The following HIBADH variants were observed in gnomAD, a reference collection of about 807,000 sequenced individuals.
The protein encoded by HIBADH is 3-hydroxyisobutyrate dehydrogenase, mitochondrial.
In HIBADH, 25 loss-of-function variants were observed where a neutral mutation model predicts 36.1. The ratio of observed to expected loss-of-function variants is 0.69; its 90% confidence interval spans 0.50 to 0.97. The LOEUF (loss-of-function observed/expected upper bound fraction) is 0.97, where lower values mean the gene tolerates loss of function less well. Among genes scored for constraint, HIBADH ranks in the 50% least tolerant of loss-of-function variants. The pLI, the probability that HIBADH is intolerant of heterozygous loss-of-function variation, is 0.00. For missense variants in HIBADH, 421 were observed against 418.0 expected (o/e 1.01, Z -0.06); for synonymous variants, 160 against 149.5 (o/e 1.07, Z -0.51).
intron 4 of HIBADH, among the ~76,000 whole-genome samples, chr7:27,597,754 A>C (rs1785055516): frequency 6.6e-6 from 1 of 152,236 alleles, no homozygotes; most frequent in Non-Finnish European, 1.5e-5. Context: ...TACTGAAGGA[A>C]AGAATACCTA....
chr7:27,579,037 G>C (rs995574877), intron 4 of HIBADH, among the ~76,000 whole-genome samples: 15 of 152,178 alleles, frequency 9.9e-5, no homozygotes, highest in African/African-American at 3.6e-4. Context: ...CATGGGAACT[G>C]TTTTAGATTA....
intron 2 of HIBADH, among the ~76,000 whole-genome samples, chr7:27,646,059 T>C (rs948455803): frequency 5.9e-5 from 9 of 152,202 alleles, no homozygotes; most frequent in Non-Finnish European, 8.8e-5. Flanking sequence ...CCTCTGTGTT[T>C]TCTCCTAACA....
chr7:27,545,706 C>T (rs965091239), intron 4 of HIBADH, among the ~76,000 whole-genome samples: 4 of 152,138 alleles, frequency 2.6e-5, no homozygotes, highest in African/African-American at 9.7e-5. Flanking sequence ...ACTTATTTTA[C>T]ATATATTTTA....
chr7:27,633,439 C>T (rs1052527432), intron 2 of HIBADH, among the ~76,000 whole-genome samples: 19 of 152,240 alleles, frequency 1.2e-4, no homozygotes, highest in African/African-American at 4.3e-4. Context: ...AGAAGGATTG[C>T]CTGAACCCAG....
At chr7:27,558,694 CAAAAACA>C (rs892151907) in intron 4 of HIBADH, among the ~76,000 whole-genome samples, 43 of 151,998 alleles carry the variant, frequency 2.8e-4, no homozygotes, top group African/African-American at 1.0e-3. Context: ...GACCCAGTCT[CAAAAACA>C]AAAAACAAAA....
At chr7:27,662,031 G>A (rs574086243) in intron 1 of HIBADH, among the ~76,000 whole-genome samples, 40 of 152,298 alleles carry the variant, frequency 2.6e-4, no homozygotes, top group Admixed American at 2.5e-3. Context: ...TGGTATGAGA[G>A]GAGGGAGGCA....
chr7:27,628,373 A>G (rs1022030844), intron 4 of HIBADH, among the ~76,000 whole-genome samples: 2 of 152,110 alleles, frequency 1.3e-5, no homozygotes, highest in South Asian at 2.1e-4. Context: ...TAAAGCCCAC[A>G]ATCAAGTTTA....
At chr7:27,584,203 C>G (rs1289657088) in intron 4 of HIBADH, among the ~76,000 whole-genome samples, 1 of 152,014 alleles carries the variant, frequency 6.6e-6, no homozygotes, top group Non-Finnish European at 1.5e-5. Flanking sequence ...GTGGAAAGAA[C>G]TTTTTATACT....
At chr7:27,600,243 T>C (rs1449219791) in intron 4 of HIBADH, among the ~76,000 whole-genome samples, 1 of 151,542 alleles carries the variant, frequency 6.6e-6, no homozygotes, top group African/African-American at 2.4e-5. Flanking sequence ...AAAAAACACA[T>C]CACTCAAAAC....
intron 4 of HIBADH, among the ~76,000 whole-genome samples, chr7:27,564,901 G>C (rs913785532): frequency 2.0e-5 from 3 of 152,166 alleles, no homozygotes; most frequent in African/African-American, 7.2e-5. Flanking sequence ...TGTTTTAAAT[G>C]TCAGTTACCA....
intron 2 of HIBADH, among the ~76,000 whole-genome samples, chr7:27,648,908 A>T (rs10486553): frequency 0.044 from 6,633 of 152,250 alleles, 458 homozygotes; most frequent in African/African-American, 0.15. Context: ...AATTATTCAC[A>T]AAGTGCTGCC....
intron 1 of HIBADH, among the ~76,000 whole-genome samples, chr7:27,655,061 C>A (rs1786272567): frequency 2.0e-5 from 3 of 152,110 alleles, no homozygotes; most frequent in Admixed American, 2.0e-4. Context: ...ACTTTATGTA[C>A]AACTTATCAT....
intron 4 of HIBADH, among the ~76,000 whole-genome samples, chr7:27,560,315 C>T (rs1030359230): frequency 2.8e-4 from 42 of 152,284 alleles, no homozygotes; most frequent in East Asian, 1.9e-4. Flanking sequence ...GACGGGGTTT[C>T]GCCATGTTGG....
intron 5 of HIBADH, among the ~76,000 whole-genome samples, chr7:27,538,829 C>G (rs1784106127): frequency 6.6e-6 from 1 of 151,956 alleles, no homozygotes; most frequent in African/African-American, 2.4e-5. Context: ...AGCAACAAGA[C>G]CACTGAAGGC....
intron 2 of HIBADH, among the ~76,000 whole-genome samples, chr7:27,648,754 T>C (rs765139000): frequency 2.0e-5 from 3 of 152,196 alleles, no homozygotes; most frequent in Non-Finnish European, 4.4e-5. Flanking sequence ...GCAGATGTTA[T>C]CATCCAACAT....
intron 1 of HIBADH, among the ~76,000 whole-genome samples, chr7:27,654,366 AC>A (rs2128297650): frequency 6.6e-6 from 1 of 152,280 alleles, no homozygotes; most frequent in South Asian, 2.1e-4. Flanking sequence ...AAAACTACAA[AC>A]CCCATGCATC....
chr7:27,661,921 G>C (rs1233905513), intron 1 of HIBADH, among the ~76,000 whole-genome samples: 7 of 152,184 alleles, frequency 4.6e-5, no homozygotes, highest in Admixed American at 2.6e-4. Context: ...CATGTCCCTC[G>C]TGCGGAGTAT....
At chr7:27,600,818 A>G (rs974747063) in intron 4 of HIBADH, among the ~76,000 whole-genome samples, 2 of 152,148 alleles carry the variant, frequency 1.3e-5, no homozygotes, top group African/African-American at 4.8e-5. Flanking sequence ...GAACACACCA[A>G]TGTAAGAAGA....
At chr7:27,639,081 A>G (rs1785910817) in intron 2 of HIBADH, among the ~76,000 whole-genome samples, 1 of 152,232 alleles carries the variant, frequency 6.6e-6, no homozygotes, top group African/African-American at 2.4e-5. Context: ...CAGCAATCCC[A>G]TTATTGGGTA....
Sources: gnomAD v4.1 joint callset for allele counts (sites outside exome capture counted in the v4.1 genomes callset) on GRCh38, gnomAD v4.1.1 for gene constraint, MANE v1.5 for transcripts, NCBI Gene and HGNC (gene_info 2026-07-23, HGNC 2026-07-21) for gene names.